XPO5: variants seen among roughly 807,000 people sequenced by gnomAD.
XPO5 encodes exportin 5.
A neutral mutation model predicts 160.6 loss-of-function variants in XPO5; 46 were observed. The ratio of observed to expected loss-of-function variants is 0.29; its 90% CI spans 0.23 to 0.37. XPO5 has a LOEUF of 0.37. XPO5 is among the 10% of genes least tolerant of loss of function. The pLI is 1.00. For missense variants in XPO5, 1,090 were observed against 1,463.9 expected, an observed-to-expected ratio of 0.74 and a Z score of 4.17; for synonymous variants, 537 against 519.3, an observed-to-expected ratio of 1.03 and a Z score of -0.46.
Position 43,575,756 on chromosome 6 carries a change from C to A in XPO5, c.105+4G>T. On this transcript the variant is annotated splice_donor_region_variant and intron_variant, in intron 1 of 31. Transcript: ENST00000265351. ...CCGGCCCAGGACGCCAGGACCCCAG[C>A]TACCTTGAGGGCTTCCAGCCGGTAG... 1 of 1,611,398 alleles carries A rather than the reference C, an allele frequency of 6.2e-7. No individual in the cohort carries two copies. The highest frequency in any genetic ancestry group is 8.5e-7 in the Non-Finnish European group (1 of 1,178,320).
rs1384758290 is a variant in XPO5 at position 43,536,778 on chromosome 6, A to AC, written c.2343-2772_2343-2771insG. On this transcript the variant is annotated intron_variant, in intron 20 of 31. Coordinates refer to ENST00000265351, the MANE Select transcript of XPO5 (RefSeq NM_020750.3). ...CTATCTAAAAAAAAAAAAAAAAAAA[A>AC]AAAAAAAAAAAAGCAGCTTTACTTT... Among the ~76,000 whole-genome samples the AC allele has an allele frequency of 2.3e-4, 35 of 150,100 alleles. 1 individual carries two copies. The highest frequency in any genetic ancestry group is 7.1e-4 in the African/African-American group (29 of 40,968).
At chr6:43,531,616 C>T (rs751916995) in intron 21 of XPO5, 41 bp from the exon 22 acceptor site, 4 of 1,550,320 alleles carry the variant, frequency 2.6e-6, no homozygotes, top group South Asian at 2.2e-5. Flanking sequence ...GCTCCACTGT[C>T]AGGAGTCTCA....
In XPO5 at chr6:43,547,611, T is replaced by C. The variant is rs747462129; in HGVS notation, c.2157A>G (p.Ala719=). 3 of 1,613,996 alleles carry C rather than the reference T, an allele frequency of 1.9e-6. No individual in the cohort carries two copies. Among genetic ancestry groups the C allele is most frequent in the East Asian group, 4.5e-5 (2 of 44,884 alleles). ...CCCATTCCCAGGAAAGTCTTACTCG[T>C]GCACGGTTTAAGCCACACGGATCCT... ...GLEDPCGLNR[A]RMSFCVYSIL... The change falls in exon 19 of 32, where the codon GCA becomes GCG. Residue 719 remains alanine (A), a synonymous_variant. Coordinates refer to ENST00000265351, the MANE Select transcript of XPO5 (RefSeq NM_020750.3).
intron 28 of XPO5, 145 bp from the exon 29 acceptor site, chr6:43,525,359 A>C: frequency 1.4e-6 from 1 of 731,812 alleles, no homozygotes; most frequent in Admixed American, 2.7e-5. Context: ...GCTGGTCCTG[A>C]ACTCCTGGGC....
At chr6:43,558,792 G>A in intron 11 of XPO5, 1 of 472,132 alleles carries the variant, frequency 2.1e-6, no homozygotes. Flanking sequence ...GTAGAAAAGA[G>A]AATACTTTTA....
intron 24 of XPO5, among the ~76,000 whole-genome samples, 183 bp downstream of exon 24, chr6:43,528,645 G>T (rs1005368685): frequency 3.9e-5 from 6 of 152,146 alleles, no homozygotes; most frequent in African/African-American, 1.2e-4. Flanking sequence ...AATTAAATCA[G>T]TTTAGTTCTT....
chr6:43,543,673 AT>A (rs111929412), intron 20 of XPO5, among the ~76,000 whole-genome samples: 5 of 149,828 alleles, frequency 3.3e-5, no homozygotes, highest in East Asian at 1.9e-4. Flanking sequence ...AATTTATTTA[AT>A]TTTTTTTTTC....
Position 43,562,268 on chromosome 6 carries a change from G to A in XPO5, c.990C>T (p.Gly330=). 6.2e-7 allele frequency: 1 copy of A among 1,607,764 alleles called. No homozygotes were observed. Among genetic ancestry groups the A allele is most frequent in the Non-Finnish European group, 8.5e-7 (1 of 1,177,332 alleles). The change falls in exon 9 of 32, where the codon GGC becomes GGT. Residue 330 remains glycine, a synonymous_variant. Transcript: ENST00000265351. ...KRLCQVLCAL[G]NQLCALLGAD... Reference sequence around the variant, plus strand: ...TCACCAGCAATGCACACAGCTGATTGCCCAGCGCACACAACACCTGACAGA... The same window carrying A: ...TCACCAGCAATGCACACAGCTGATTACCCAGCGCACACAACACCTGACAGA...
chr6:43,539,731 A>C, intron 20 of XPO5: 1 of 618,020 alleles, frequency 1.6e-6, no homozygotes, highest in Admixed American at 3.0e-5. Flanking sequence ...AAGAAGCTAC[A>C]TTTTTCTATT....
chr6:43,553,545 A>C, intron 13 of XPO5, 42 bp from the exon 14 acceptor site: 1 of 1,534,868 alleles, frequency 6.5e-7, no homozygotes, highest in Non-Finnish European at 8.8e-7. Context: ...ACACACACAC[A>C]CACAATTATC....
intron 7 of XPO5, chr6:43,566,726 C>T: frequency 3.5e-6 from 1 of 284,544 alleles, no homozygotes; most frequent in South Asian, 2.9e-5. Flanking sequence ...AGGAGAATCG[C>T]TTGAACCCGG....
In XPO5 at chr6:43,571,633, T is replaced by A. The variant is rs9472082; in HGVS notation, c.301-639A>T. ...TAGCCTGGGAAACACAGTGAGACCCTGTCTCTCTAAAAACCAAAAACAAAA... is the reference window on the plus strand; with the variant it reads ...TAGCCTGGGAAACACAGTGAGACCCAGTCTCTCTAAAAACCAAAAACAAAA... On this transcript the variant is annotated intron_variant, in intron 3 of 31. Coordinates refer to ENST00000265351, the MANE Select transcript of XPO5 (RefSeq NM_020750.3). Among the ~76,000 whole-genome samples the A allele has an allele frequency of 4.9e-3, 751 of 152,238 alleles. 9 individuals are homozygous for A. The highest frequency in any genetic ancestry group is 0.017 in the African/African-American group (692 of 41,520).
intron 8 of XPO5, among the ~76,000 whole-genome samples, chr6:43,564,411 C>A (rs56270957): frequency 0.055 from 8,369 of 152,070 alleles, 322 homozygotes; most frequent in Non-Finnish European, 0.081. Context: ...TGCCTGTAAT[C>A]CCAGCTTCCT....
chr6:43,572,257 G>A (rs1320826955), intron 3 of XPO5, among the ~76,000 whole-genome samples: 1 of 152,134 alleles, frequency 6.6e-6, no homozygotes, highest in African/African-American at 2.4e-5. Context: ...TTGCATTTTT[G>A]GTAGAGATGG....
At position 43,524,842 on chromosome 6, in the gene XPO5, A is replaced by G. The variant is rs1328125375; in HGVS notation, c.3301T>C (p.Tyr1101His). ...ASLVHLAFQI[Y>H]EALRPRYLEI... ...CCTTCCCCACTCACCAGTGCCTCGTATATCTGGAAGGCCAGATGGACCAGG... is the reference window on the plus strand; with the variant it reads ...CCTTCCCCACTCACCAGTGCCTCGTGTATCTGGAAGGCCAGATGGACCAGG... Residue 1101 changes from tyrosine (Y) to histidine (H), a missense_variant, in exon 30 of 32, where the codon TAC becomes CAC. Tyr to His is a moderately conservative substitution (Grantham distance 83, BLOSUM62 2). Transcript: ENST00000265351. 6 of 1,612,090 alleles carry G rather than the reference A, an allele frequency of 3.7e-6. No individual in the cohort carries two copies. Among genetic ancestry groups the G allele is most frequent in the Non-Finnish European group, 5.1e-6 (6 of 1,179,320 alleles).
chr6:43,570,481 A>G, intron 5 of XPO5, 21 bp downstream of exon 5: 1 of 1,600,114 alleles, frequency 6.2e-7, no homozygotes, highest in South Asian at 1.1e-5. Flanking sequence ...TAGAAATGTT[A>G]TAGGTAGGGG....
At chr6:43,551,184 A>C in intron 15 of XPO5, 114 bp downstream of exon 15, 1 of 1,151,352 alleles carries the variant, frequency 8.7e-7, no homozygotes, top group Non-Finnish European at 1.2e-6. Context: ...TGAGACTAGT[A>C]ATTTGAGTCC....
At chr6:43,565,896 T>A (rs1171268351) in intron 7 of XPO5, among the ~76,000 whole-genome samples, 160 bp from the exon 8 acceptor site, 6 of 152,244 alleles carry the variant, frequency 3.9e-5, no homozygotes, top group African/African-American at 1.2e-4. Flanking sequence ...AAACCAAATC[T>A]GGATAAACTA....
In XPO5 at chr6:43,568,694, T is replaced by C. The variant is rs767347743; in HGVS notation, c.648+17A>G. The C allele has an allele frequency of 1.3e-6, 2 of 1,573,394 alleles. No homozygotes were observed. The highest frequency in any genetic ancestry group is 2.4e-5 in the South Asian group (2 of 84,792). On this transcript the variant is annotated intron_variant, in intron 6 of 31. Transcript: ENST00000265351. The stretch of plus-strand genomic sequence containing the variant: ...AAGGTTCAAAGGTCTCCTTCAAACT[T>C]TATAAAGAGCTCTTACCTTTGACTC...
Sources: gnomAD v4.1 joint callset for allele counts (sites outside exome capture counted in the v4.1 genomes callset) on GRCh38, gnomAD v4.1.1 for gene constraint, MANE v1.5 for transcripts, NCBI Gene and HGNC (gene_info 2026-07-23, HGNC 2026-07-21) for gene names.